The following SPAG16 variants were observed in gnomAD, a reference collection of about 807,000 sequenced individuals.
SPAG16 encodes the protein sperm-associated antigen 16 protein.
A neutral mutation model predicts 80.4 loss-of-function variants in SPAG16; 86 were observed. That is an observed-to-expected ratio of 1.07 (90% CI 0.90 to 1.28). The LOEUF (loss-of-function observed/expected upper bound fraction) is 1.28, where lower values mean the gene tolerates loss of function less well. Among genes scored for constraint, SPAG16 ranks in the 50% most tolerant of loss-of-function variants. The pLI, the probability that SPAG16 is intolerant of heterozygous loss-of-function variation, is 0.00. For synonymous variants in SPAG16, 294 were observed against 265.9 expected (o/e 1.11, Z -1.03); for missense variants, 870 against 765.3 (o/e 1.14, Z -1.61).
chr2:213,993,948 A>G (rs544809610), intron 12 of SPAG16, among the ~76,000 whole-genome samples: 1 of 152,138 alleles, frequency 6.6e-6, no homozygotes, highest in Non-Finnish European at 1.5e-5. Flanking sequence ...TCTGTCCCTG[A>G]TTTGGGAACA....
At chr2:213,696,527 C>A (rs1404427179) in intron 10 of SPAG16, among the ~76,000 whole-genome samples, 1 of 151,878 alleles carries the variant, frequency 6.6e-6, no homozygotes. Context: ...GAAAGAGGAA[C>A]CAACAAAAGA....
At chr2:213,394,789 G>C (rs553361413) in intron 9 of SPAG16, among the ~76,000 whole-genome samples, 1 of 152,210 alleles carries the variant, frequency 6.6e-6, no homozygotes, top group East Asian at 1.9e-4. Context: ...TTATTAAATT[G>C]CTGAGTAGTT....
intron 10 of SPAG16, among the ~76,000 whole-genome samples, chr2:213,839,574 TCA>T (rs2074267372): frequency 6.6e-6 from 1 of 152,206 alleles, no homozygotes; most frequent in Admixed American, 6.5e-5. Flanking sequence ...GAGAAGTCTC[TCA>T]CATATATTAT....
At chr2:213,897,256 A>G (rs1209697751) in intron 11 of SPAG16, among the ~76,000 whole-genome samples, 5 of 152,160 alleles carry the variant, frequency 3.3e-5, no homozygotes, top group African/African-American at 1.2e-4. Context: ...TGAACAGAAA[A>G]TCAACATTGA....
intron 9 of SPAG16, chr2:213,422,198 A>T: frequency 1.4e-6 from 1 of 701,336 alleles, no homozygotes; most frequent in Non-Finnish European, 2.6e-6. Context: ...AAGCTCCACG[A>T]GCCAGTGCTG....
chr2:213,833,531 T>TA (rs1559506315), intron 10 of SPAG16, among the ~76,000 whole-genome samples: 4 of 1,198 alleles, frequency 3.3e-3, no homozygotes, highest in Non-Finnish European at 6.9e-3. Flanking sequence ...AATATATATA[T>TA]TATATATAAT....
At chr2:213,900,050 T>G (rs1438665334) in intron 11 of SPAG16, among the ~76,000 whole-genome samples, 1 of 152,136 alleles carries the variant, frequency 6.6e-6, no homozygotes, top group Admixed American at 6.5e-5. Context: ...ATATTCTGCC[T>G]TTGTTGACCT....
At chr2:214,266,844 G>T (rs1171816589) in intron 15 of SPAG16, among the ~76,000 whole-genome samples, 1 of 151,106 alleles carries the variant, frequency 6.6e-6, no homozygotes, top group Non-Finnish European at 1.5e-5. Context: ...TTACAAAAGA[G>T]TTAAAAGGAA....
At position 213,914,209 on chromosome 2, in the gene SPAG16, T is replaced by G. The variant is rs531084840; in HGVS notation, c.1215-15751T>G. On this transcript the variant is annotated intron_variant, in intron 11 of 15. Transcript: ENST00000331683. ...ATTATAAATTAAAACTTAGAAATCT[T>G]AAAGATATTTATTAATTTAAATAAC... Among the ~76,000 whole-genome samples, 33 of 152,262 alleles carry G rather than the reference T, an allele frequency of 2.2e-4. No homozygotes were observed. The South Asian group carries it at 5.6e-3, about 26-fold the overall frequency.
chr2:214,149,267 G>C lies in SPAG16; in HGVS notation c.1720+1G>C. On this transcript the variant is annotated splice_donor_variant, in intron 15 of 15. Transcript: ENST00000331683. LOFTEE classifies it high-confidence loss of function. ...AATGAGGTGAATTTTGATTCATCAGGTAGGATCATTTTTGTCTAATGTTTC... is the reference window on the plus strand; with the variant it reads ...AATGAGGTGAATTTTGATTCATCAGCTAGGATCATTTTTGTCTAATGTTTC... The C allele has an allele frequency of 6.4e-7, 1 of 1,558,652 alleles. No individual in the cohort carries two copies.
chr2:214,081,557 G>T (rs185042058), intron 13 of SPAG16, among the ~76,000 whole-genome samples: 4 of 152,152 alleles, frequency 2.6e-5, no homozygotes, highest in Non-Finnish European at 5.9e-5. Context: ...GCCAACAACC[G>T]TCAAGGACTG....
intron 10 of SPAG16, among the ~76,000 whole-genome samples, chr2:213,769,903 A>G (rs1191936445): frequency 2.6e-5 from 4 of 152,198 alleles, no homozygotes; most frequent in Non-Finnish European, 5.9e-5. Flanking sequence ...AAGTGTGCCC[A>G]ATAAGCCACT....
chr2:214,316,583 A>G (rs1005744518), intron 15 of SPAG16, among the ~76,000 whole-genome samples: 4 of 152,162 alleles, frequency 2.6e-5, no homozygotes. Flanking sequence ...TCCCCTCCCT[A>G]TACCCACCTT....
chr2:213,700,969 C>T (rs142078600), intron 10 of SPAG16, among the ~76,000 whole-genome samples: 2,145 of 151,990 alleles, frequency 0.014, 25 homozygotes, highest in South Asian at 0.036. Flanking sequence ...TGGCCAGGCA[C>T]GGTGGCTCAT....
At chr2:214,197,267 CAT>C (rs1364961540) in intron 15 of SPAG16, among the ~76,000 whole-genome samples, 1 of 151,926 alleles carries the variant, frequency 6.6e-6, no homozygotes, top group Non-Finnish European at 1.5e-5. Context: ...TAAATCTCAA[CAT>C]GTAATTTATA....
chr2:213,343,983 A>C (rs1187033402), intron 6 of SPAG16, among the ~76,000 whole-genome samples: 1 of 152,110 alleles, frequency 6.6e-6, no homozygotes, highest in Admixed American at 6.6e-5. Flanking sequence ...ACAAATTCAA[A>C]TTATTTACTC....
At chr2:213,534,821 A>G (rs2076187563) in intron 10 of SPAG16, among the ~76,000 whole-genome samples, 1 of 152,162 alleles carries the variant, frequency 6.6e-6, no homozygotes, top group Non-Finnish European at 1.5e-5. Flanking sequence ...CCCAAAATTC[A>G]TATGTTGACA....
chr2:213,868,146 T>C (rs2105972563), intron 11 of SPAG16, among the ~76,000 whole-genome samples: 1 of 152,134 alleles, frequency 6.6e-6, no homozygotes, highest in South Asian at 2.1e-4. Flanking sequence ...CCAAATTCAA[T>C]TGCTTCAAAA....
intron 10 of SPAG16, among the ~76,000 whole-genome samples, chr2:213,510,634 A>G (rs1434962571): frequency 2.6e-5 from 4 of 152,186 alleles, no homozygotes; most frequent in Non-Finnish European, 5.9e-5. Context: ...TTCGCGTTAC[A>G]CTGCCTACAC....
Sources: allele counts gnomAD v4.1 joint callset (sites outside exome capture counted in the v4.1 genomes callset), GRCh38; gene constraint gnomAD v4.1.1; transcripts MANE v1.5; gene names NCBI Gene and HGNC (gene_info 2026-07-23, HGNC 2026-07-21).